ATP8A2: variants seen among roughly 807,000 people sequenced by gnomAD.
ATP8A2 encodes phospholipid-transporting ATPase IB.
Under a neutral mutation model 165.6 loss-of-function variants are expected in ATP8A2, and 100 were observed. That is an observed-to-expected ratio of 0.60 (90% CI 0.51 to 0.71). The LOEUF (loss-of-function observed/expected upper bound fraction) is 0.71, where lower values mean the gene tolerates loss of function less well. Among genes scored for constraint, ATP8A2 ranks in the 30% least tolerant of loss-of-function variants. The pLI, the probability that ATP8A2 is intolerant of heterozygous loss-of-function variation, is 0.00. For synonymous variants in ATP8A2, 543 were observed against 548.8 expected, an observed-to-expected ratio of 0.99 and a Z score of 0.15; for missense variants, 1,227 against 1,479.5, an observed-to-expected ratio of 0.83 and a Z score of 2.80.
At chr13:25,603,415 C>T (rs1162778160) in intron 24 of ATP8A2, among the ~76,000 whole-genome samples, 1 of 150,070 alleles carries the variant, frequency 6.7e-6, no homozygotes, top group African/African-American at 2.5e-5. Flanking sequence ...GGCTTTAGCC[C>T]AGGTGGCAGA....
intron 30 of ATP8A2, among the ~76,000 whole-genome samples, chr13:25,852,595 T>G (rs914086527): frequency 6.6e-6 from 1 of 152,228 alleles, no homozygotes; most frequent in Non-Finnish European, 1.5e-5. Context: ...TTAGTCTAAT[T>G]GTTTTTTTCT....
chr13:25,801,765 G>A (rs1452349351), intron 27 of ATP8A2, among the ~76,000 whole-genome samples: 1 of 152,140 alleles, frequency 6.6e-6, no homozygotes, highest in Admixed American at 6.5e-5. Flanking sequence ...CTGAGACTGG[G>A]TAACTTACAA....
chr13:25,974,636 G>T (rs943086360), intron 35 of ATP8A2, among the ~76,000 whole-genome samples: 3 of 152,062 alleles, frequency 2.0e-5, no homozygotes, highest in African/African-American at 7.2e-5. Flanking sequence ...GTCCATCTGA[G>T]CTGCAGTCTG....
chr13:25,646,419 G>A (rs1386228915), intron 24 of ATP8A2, among the ~76,000 whole-genome samples: 1 of 152,046 alleles, frequency 6.6e-6, no homozygotes, highest in Admixed American at 6.6e-5. Flanking sequence ...GGAAGGCCGA[G>A]GCAGGTGGAT....
intron 33 of ATP8A2, among the ~76,000 whole-genome samples, chr13:25,865,753 G>A (rs1482606586): frequency 6.6e-6 from 1 of 152,170 alleles, no homozygotes; most frequent in Non-Finnish European, 1.5e-5. Flanking sequence ...GAAGTCATCT[G>A]CATCCTTCCC....
intron 35 of ATP8A2, among the ~76,000 whole-genome samples, chr13:25,980,628 G>T (rs893136192): frequency 6.6e-6 from 1 of 152,108 alleles, no homozygotes; most frequent in African/African-American, 2.4e-5. Flanking sequence ...TTAAGCAAGG[G>T]ACATACATGA....
At chr13:26,016,594 T>C (rs1260259501) in intron 36 of ATP8A2, among the ~76,000 whole-genome samples, 1 of 152,212 alleles carries the variant, frequency 6.6e-6, no homozygotes, top group Non-Finnish European at 1.5e-5. Flanking sequence ...TTCCAAAGGC[T>C]AAGATACCTT....
At chr13:25,939,230 A>T (rs1955000263) in intron 33 of ATP8A2, among the ~76,000 whole-genome samples, 2 of 151,904 alleles carry the variant, frequency 1.3e-5, no homozygotes, top group South Asian at 4.2e-4. Context: ...TCCATACCAC[A>T]GTTTGTCCTC....
intron 27 of ATP8A2, among the ~76,000 whole-genome samples, chr13:25,782,986 A>G (rs1413506479): frequency 2.0e-5 from 3 of 151,900 alleles, no homozygotes; most frequent in African/African-American, 7.3e-5. Context: ...GGTGATCCAC[A>G]TGCCTCAGCC....
intron 10 of ATP8A2, among the ~76,000 whole-genome samples, chr13:25,546,982 T>C (rs1386297630): frequency 6.6e-6 from 1 of 151,732 alleles, no homozygotes; most frequent in Non-Finnish European, 1.5e-5. Flanking sequence ...ATACAAAAAT[T>C]AGCTGGGCAT....
chr13:25,711,415 G>C (rs2043156221), intron 25 of ATP8A2, among the ~76,000 whole-genome samples: 1 of 152,126 alleles, frequency 6.6e-6, no homozygotes, highest in African/African-American at 2.4e-5. Flanking sequence ...CAGAGTAGCA[G>C]AGCTAGATCA....
intron 25 of ATP8A2, among the ~76,000 whole-genome samples, chr13:25,765,151 G>A (rs2044464817): frequency 6.6e-6 from 1 of 152,190 alleles, no homozygotes. Flanking sequence ...ATTTTTGTAA[G>A]TCTCAAAAGA....
chr13:25,755,707 C>A (rs888542205), intron 25 of ATP8A2, among the ~76,000 whole-genome samples: 1 of 152,078 alleles, frequency 6.6e-6, no homozygotes, highest in African/African-American at 2.4e-5. Context: ...GAGTTTGAGA[C>A]CAGCCTGGCC....
intron 33 of ATP8A2, among the ~76,000 whole-genome samples, chr13:25,892,883 A>G (rs1158815586): frequency 6.6e-6 from 1 of 151,642 alleles, no homozygotes; most frequent in East Asian, 1.9e-4. Context: ...AAGAATACCC[A>G]GGGCTGAAAA....
intron 2 of ATP8A2, among the ~76,000 whole-genome samples, chr13:25,475,267 C>T (rs1287038786): frequency 1.3e-5 from 2 of 152,080 alleles, no homozygotes; most frequent in African/African-American, 2.4e-5. Context: ...TGAGAATATG[C>T]GGTATTTGAT....
intron 24 of ATP8A2, among the ~76,000 whole-genome samples, chr13:25,628,195 C>T (rs1169603045): frequency 1.3e-5 from 2 of 152,160 alleles, no homozygotes; most frequent in Non-Finnish European, 2.9e-5. Context: ...TGCCTCTAAC[C>T]ATCTTTATAG....
chr13:25,376,118 A>AC (rs1375244662), intron 1 of ATP8A2, among the ~76,000 whole-genome samples: 1 of 151,362 alleles, frequency 6.6e-6, no homozygotes, highest in Non-Finnish European at 1.5e-5. Flanking sequence ...ACAAATGAAA[A>AC]AAAAATTCGG....
intron 27 of ATP8A2, among the ~76,000 whole-genome samples, chr13:25,798,729 G>T (rs1950549068): frequency 6.6e-6 from 1 of 152,140 alleles, no homozygotes. Flanking sequence ...CCAGTTGAAT[G>T]ATCTTTCTGT....
chr13:25,454,299 A>C (rs920761294), intron 1 of ATP8A2, among the ~76,000 whole-genome samples: 1 of 152,176 alleles, frequency 6.6e-6, no homozygotes, highest in Non-Finnish European at 1.5e-5. Context: ...TCATTATTCA[A>C]ATCAAACTAG....
Sources: allele counts gnomAD v4.1 joint callset (sites outside exome capture counted in the v4.1 genomes callset), GRCh38; gene constraint gnomAD v4.1.1; transcripts MANE v1.5; gene names NCBI Gene and HGNC (gene_info 2026-07-23, HGNC 2026-07-21).